NRAP: variants seen among roughly 807,000 people sequenced by gnomAD.
NRAP encodes the protein nebulin related anchoring protein.
NRAP carries 189 observed loss-of-function variants against 225.9 expected under a neutral mutation model. The ratio of observed to expected loss-of-function variants is 0.84; its 90% CI spans 0.74 to 0.94. The LOEUF (loss-of-function observed/expected upper bound fraction) is 0.94, where lower values mean the gene tolerates loss of function less well. NRAP is among the 40% of genes least tolerant of loss of function. NRAP has a pLI of 0.00. For missense variants in NRAP, 2,176 were observed against 2,168.7 expected, an observed-to-expected ratio of 1.00 and a Z score of -0.07; for synonymous variants, 769 against 790.7, an observed-to-expected ratio of 0.97 and a Z score of 0.46.
In NRAP at chr10:113,588,970, A is replaced by G. The variant is rs1845751439; in HGVS notation, c.*5T>C. 5 of 1,609,960 alleles carry G rather than the reference A, an allele frequency of 3.1e-6. No individual in the cohort carries two copies. The highest frequency in any genetic ancestry group is 2.7e-5 in the African/African-American group (2 of 74,710). On this transcript the variant is annotated 3_prime_UTR_variant, in exon 42 of 42. Coordinates refer to ENST00000359988, the MANE Select transcript of NRAP (RefSeq NM_198060.4). ...TGGCCTCTCAGGAATCAGGGTGGAC[A>G]TGGCTCACAACAGCAGGGCCTTCTT...
intron 9 of NRAP, among the ~76,000 whole-genome samples, chr10:113,648,819 CAA>C (rs533231406): frequency 2.8e-4 from 42 of 152,236 alleles, no homozygotes; most frequent in African/African-American, 9.4e-4. Context: ...TCCTACTAAT[CAA>C]GAACCAGCTA....
chr10:113,591,110 A>G, intron 39 of NRAP, among the ~76,000 whole-genome samples: 1 of 152,230 alleles, frequency 6.6e-6, no homozygotes. Context: ...AGAATGATCT[A>G]CACCCCATAG....
intron 41 of NRAP, chr10:113,589,316 A>G (rs1204863827): frequency 1.7e-6 from 1 of 574,732 alleles, no homozygotes; most frequent in African/African-American, 1.9e-5. Context: ...TAGGGTTCAA[A>G]ATGCAGACTG....
At chr10:113,615,071 G>A in intron 27 of NRAP, 125 bp from the exon 28 acceptor site, 1 of 635,954 alleles carries the variant, frequency 1.6e-6, no homozygotes. Context: ...GTTGGAGTTA[G>A]AGATCATGGT....
intron 26 of NRAP, among the ~76,000 whole-genome samples, chr10:113,616,475 A>G (rs1041013250): frequency 2.6e-5 from 4 of 152,234 alleles, no homozygotes; most frequent in African/African-American, 9.6e-5. Flanking sequence ...AGGAAGAAAC[A>G]GGTATTGTTT....
rs773538620 is a variant in NRAP at position 113,622,124 on chromosome 10, A to T, written c.2514T>A (p.Asp838Glu). 1 of 1,613,970 alleles carries T rather than the reference A, an allele frequency of 6.2e-7. No homozygotes were observed. Among genetic ancestry groups the T allele is most frequent in the African/African-American group, 1.3e-5 (1 of 74,920 alleles). Reference sequence around the variant, plus strand: ...GGCTCATTTGCGAATCTCCCTGTACATCTTTTGCCCCAATGAGCTTCCCTC... The same window carrying T: ...GGCTCATTTGCGAATCTCCCTGTACTTCTTTTGCCCCAATGAGCTTCCCTC... ...RSRGKLIGAK[D>E]VQGDSQMSHS... Residue 838 changes from aspartate to glutamate, a missense_variant, in exon 24 of 42, where the codon GAT becomes GAA. By Grantham distance (45) the Asp-to-Glu change is conservative. Transcript: ENST00000359988.
At chr10:113,637,698 C>T (rs921576548) in intron 14 of NRAP, among the ~76,000 whole-genome samples, 14 of 152,074 alleles carry the variant, frequency 9.2e-5, no homozygotes, top group East Asian at 7.7e-4. Context: ...CCGAGGCAGG[C>T]GGATCACCTG....
At chr10:113,657,358 G>C (rs1403324808) in intron 4 of NRAP, 112 bp downstream of exon 4, 1 of 648,202 alleles carries the variant, frequency 1.5e-6, no homozygotes, top group Non-Finnish European at 2.7e-6. Context: ...ATTACAAACT[G>C]GGTGAAAGGA....
chr10:113,618,502 G>C (rs1417620660), intron 25 of NRAP, among the ~76,000 whole-genome samples: 1 of 152,250 alleles, frequency 6.6e-6, no homozygotes, highest in African/African-American at 2.4e-5. Context: ...TTTCCAGCTA[G>C]TTGTGACAGA....
chr10:113,602,619 TAAC>T (rs1592738310), intron 35 of NRAP, among the ~76,000 whole-genome samples: 2 of 152,226 alleles, frequency 1.3e-5, no homozygotes, highest in African/African-American at 4.8e-5. Context: ...ATAATTAAAT[TAAC>T]AAAATCATTA....
At chr10:113,618,324 A>C (rs1162662158) in intron 25 of NRAP, among the ~76,000 whole-genome samples, 1 of 152,244 alleles carries the variant, frequency 6.6e-6, no homozygotes, top group African/African-American at 2.4e-5. Context: ...AAGCAGAATA[A>C]TTGTCTTAAA....
In NRAP at chr10:113,629,507, C is replaced by T. The variant is rs545567636; in HGVS notation, c.2040+81G>A. 6.6e-5 allele frequency: 65 copies of T among 978,940 alleles called. No individual in the cohort carries two copies. In the African/African-American group the frequency reaches 8.6e-4, roughly 13 times the overall value. 60.6% of individuals were successfully genotyped at this position (978,940 alleles called of 1,614,324 possible). ...AGTCTTCCAAGTTATGTAATAGACT[C>T]GTGCACAGGTTTGAAATCACTCTGA... On this transcript the variant is annotated intron_variant, in intron 19 of 41. Coordinates refer to ENST00000359988, the MANE Select transcript of NRAP (RefSeq NM_198060.4).
intron 23 of NRAP, 147 bp from the exon 24 acceptor site, chr10:113,622,327 T>C (rs1205930900): frequency 1.6e-6 from 1 of 606,850 alleles, no homozygotes; most frequent in Non-Finnish European, 2.9e-6. Context: ...TTTTTGAGCA[T>C]CCGATACATT....
At position 113,614,182 on chromosome 10, in the gene NRAP, C is replaced by T. The variant is rs775592651; in HGVS notation, c.3300+1G>A. 126 of 1,603,788 alleles carry T rather than the reference C, an allele frequency of 7.9e-5. No homozygotes were observed. Among genetic ancestry groups the T allele is most frequent in the Non-Finnish European group, 1.0e-4 (121 of 1,170,604 alleles). On this transcript the variant is annotated splice_donor_variant, in intron 29 of 41. Coordinates refer to ENST00000359988, the MANE Select transcript of NRAP (RefSeq NM_198060.4). LOFTEE classifies it high-confidence loss of function. Reference sequence around the variant, plus strand: ...CCGCTGATGCCTCTCCCCCCACTTACATCACTCTGCAGTGAGGTCGCATAC... The same window carrying T: ...CCGCTGATGCCTCTCCCCCCACTTATATCACTCTGCAGTGAGGTCGCATAC...
At chr10:113,642,225 T>C (rs1849243652) in intron 12 of NRAP, among the ~76,000 whole-genome samples, 1 of 152,038 alleles carries the variant, frequency 6.6e-6, no homozygotes, top group African/African-American at 2.4e-5. Flanking sequence ...CATTTTAGAG[T>C]TGGGCAGAGT....
intron 14 of NRAP, among the ~76,000 whole-genome samples, chr10:113,636,096 C>A (rs1388099476): frequency 2.6e-5 from 4 of 152,366 alleles, no homozygotes; most frequent in African/African-American, 7.2e-5. Flanking sequence ...TCACAGACTT[C>A]ATGTCTCTCT....
rs3121488 is a variant in NRAP at position 113,652,927 on chromosome 10, G to A, written c.570+8C>T. On this transcript the variant is annotated splice_region_variant and intron_variant, in intron 6 of 41. Coordinates refer to ENST00000359988, the MANE Select transcript of NRAP (RefSeq NM_198060.4). ...TAATCAATGGTGAAAAAGCACCCAGGCACTCACTTGGCTGGCCAGCTGGTT... is the reference window on the plus strand; with the variant it reads ...TAATCAATGGTGAAAAAGCACCCAGACACTCACTTGGCTGGCCAGCTGGTT... 0.89 allele frequency: 1,425,120 copies of A among 1,595,972 alleles called. 636,947 individuals are homozygous for A. The highest frequency in any genetic ancestry group is 0.92 in the Admixed American group (53,845 of 58,390).
At chr10:113,645,769 AC>A in intron 11 of NRAP, 55 bp downstream of exon 11, 1 of 912,070 alleles carries the variant, frequency 1.1e-6, no homozygotes, top group Non-Finnish European at 1.8e-6. Context: ...TCATTCACTG[AC>A]TATAGGAGAT....
chr10:113,607,399 CAAAAAAAAAAAAAAAAAAAAAAAAAA>C (rs543627940), intron 32 of NRAP, among the ~76,000 whole-genome samples: 1 of 68,602 alleles, frequency 1.5e-5, no homozygotes, highest in African/African-American at 5.2e-5. Context: ...GAAACTCCGT[CAAAAAAAAAAAAAAAAAAAAAAAAAA>C]AAAAAAAAAA....
Sources: gnomAD v4.1 joint callset for allele counts (sites outside exome capture counted in the v4.1 genomes callset) on GRCh38, gnomAD v4.1.1 for gene constraint, MANE v1.5 for transcripts, NCBI Gene and HGNC (gene_info 2026-07-23, HGNC 2026-07-21) for gene names.